The following RUNX1T1 variants were observed in gnomAD, a reference collection of about 807,000 sequenced individuals.
The protein encoded by RUNX1T1 is RUNX1 partner transcriptional co-repressor 1, also known as protein CBFA2T1.
RUNX1T1 carries 4 observed loss-of-function variants against 62.8 expected under a neutral mutation model. The observed-to-expected ratio is 0.06, with a 90% CI of 0.03 to 0.15. The LOEUF is 0.15. RUNX1T1 is among the 10% of genes least tolerant of loss of function. The probability of loss-of-function intolerance (pLI) is 1.00; values close to 1 mark genes in which losing one functional copy is unlikely to be tolerated. For missense variants in RUNX1T1, 508 were observed against 754.3 expected (o/e 0.67, Z 3.82); for synonymous variants, 291 against 286.0 (o/e 1.02, Z -0.18).
At chr8:92,041,366 G>C (rs1828423487) in intron 1 of RUNX1T1, among the ~76,000 whole-genome samples, 1 of 152,160 alleles carries the variant, frequency 6.6e-6, no homozygotes, top group Non-Finnish European at 1.5e-5. Flanking sequence ...GCTTTGTTTG[G>C]CTTACTTGCT....
rs188414197 is a variant in RUNX1T1, at chr8:91,970,906, T to C, written c.1268-58A>G. The C allele has an allele frequency of 4.9e-5, 68 of 1,388,342 alleles. 1 individual carries two copies. The highest frequency in any genetic ancestry group is 4.2e-4 in the South Asian group (28 of 67,412). 86.0% of individuals were successfully genotyped at this position (1,388,342 alleles called of 1,614,324 possible). On this transcript the variant is annotated intron_variant, in intron 9 of 10. Coordinates refer to ENST00000396218, the Ensembl canonical transcript of RUNX1T1. Reference sequence around the variant, plus strand: ...AACACCTCTCAGTTAGCCGAAGTCATTGGATACGGATTACTTTTCTTTTAA... The same window carrying C: ...AACACCTCTCAGTTAGCCGAAGTCACTGGATACGGATTACTTTTCTTTTAA...
intron 1 of RUNX1T1, among the ~76,000 whole-genome samples, chr8:92,041,761 A>G (rs916384040): frequency 6.6e-6 from 1 of 151,976 alleles, no homozygotes; most frequent in African/African-American, 2.4e-5. Context: ...AACAAAACAA[A>G]ACAAAAACCT....
chr8:91,958,250 C>T (rs924456233), downstream of RUNX1T1: 10 of 203,806 alleles, frequency 4.9e-5, no homozygotes, highest in Admixed American at 3.0e-4. Context: ...ACAACCACAT[C>T]CTGGGCTACT....
intron 1 of RUNX1T1, among the ~76,000 whole-genome samples, chr8:92,037,680 A>G (rs925471297): frequency 1.3e-5 from 2 of 152,104 alleles, no homozygotes; most frequent in Non-Finnish European, 2.9e-5. Flanking sequence ...CCATCTCAAA[A>G]AAAATAAATT....
intron 8 of RUNX1T1, 45 bp downstream of exon 9, chr8:91,986,079 A>G (rs1457841676): frequency 2.4e-6 from 3 of 1,275,070 alleles, no homozygotes; most frequent in Non-Finnish European, 3.4e-6. Context: ...CATTAACAGC[A>G]TAAGAAATAT....
At chr8:92,094,951 T>A in intron 1 of RUNX1T1, 1 of 1,057,274 alleles carries the variant, frequency 9.5e-7, no homozygotes, top group East Asian at 2.6e-5. Context: ...TTGTTCCCCC[T>A]TTATCGAGTC....
intron 6 of RUNX1T1, among the ~76,000 whole-genome samples, chr8:91,990,513 T>A (rs1360920948): frequency 6.6e-6 from 1 of 152,212 alleles, no homozygotes. Flanking sequence ...CTGATAACCC[T>A]CTGATACACT....
chr8:92,017,679 C>G (rs1823283108), intron 1 of RUNX1T1: 1 of 1,239,608 alleles, frequency 8.1e-7, no homozygotes, highest in African/African-American at 1.5e-5. Context: ...CCAATGTTAG[C>G]AAGAGGTAGA....
chr8:92,099,593 G>T (rs1447119822), exon 1 of RUNX1T1: 15 of 983,738 alleles, frequency 1.5e-5, no homozygotes, highest in Non-Finnish European at 1.8e-5. Context: ...AATAGACTCC[G>T]GCAAAATGCA....
chr8:92,017,563 C>T, intron 1 of RUNX1T1, 200 bp from the exon 3 acceptor site: 6 of 1,449,564 alleles, frequency 4.1e-6, no homozygotes, highest in Non-Finnish European at 5.4e-6. Context: ...ATGGCAGGAC[C>T]TCATTTGTAA....
At chr8:91,974,814 T>C (rs922399813) in intron 9 of RUNX1T1, among the ~76,000 whole-genome samples, 1 of 152,222 alleles carries the variant, frequency 6.6e-6, no homozygotes, top group Admixed American at 6.5e-5. Context: ...CCTAGAATGC[T>C]ATCAGATTTT....
chr8:91,972,173 T>A (rs1812980613), intron 9 of RUNX1T1, among the ~76,000 whole-genome samples: 1 of 152,106 alleles, frequency 6.6e-6, no homozygotes, highest in African/African-American at 2.4e-5. Context: ...TACTGTAGAT[T>A]AAAAATGTAA....
At chr8:92,062,707 C>A (rs757205965) in exon 1 of RUNX1T1, 1 of 1,605,944 alleles carries the variant, frequency 6.2e-7, no homozygotes. Flanking sequence ...TGGGCGCGTG[C>A]GCCTGCCAGG....
chr8:92,074,523 A>G (rs1009797344), intron 2 of RUNX1T1, among the ~76,000 whole-genome samples: 8 of 152,244 alleles, frequency 5.3e-5, no homozygotes, highest in Non-Finnish European at 1.2e-4. Flanking sequence ...CCACAGACAC[A>G]TTAAGCCCAA....
At chr8:92,096,996 C>G (rs1277092236) in intron 1 of RUNX1T1, among the ~76,000 whole-genome samples, 1 of 152,072 alleles carries the variant, frequency 6.6e-6, no homozygotes, top group African/African-American at 2.4e-5. Context: ...CAAACACACA[C>G]ACACCAATGT....
At chr8:92,045,575 C>A (rs886115992) in intron 1 of RUNX1T1, among the ~76,000 whole-genome samples, 4 of 152,284 alleles carry the variant, frequency 2.6e-5, no homozygotes, top group South Asian at 4.1e-4. Flanking sequence ...CAAATAATGA[C>A]ACTCATTCAA....
At chr8:92,054,695 T>C (rs538718187) in intron 1 of RUNX1T1, among the ~76,000 whole-genome samples, 1 of 152,210 alleles carries the variant, frequency 6.6e-6, no homozygotes, top group East Asian at 1.9e-4. Context: ...GTCACAAAGC[T>C]AAAGATAAAA....
At chr8:92,002,752 C>T (rs930378320) in intron 5 of RUNX1T1, among the ~76,000 whole-genome samples, 26 of 152,044 alleles carry the variant, frequency 1.7e-4, no homozygotes, top group African/African-American at 6.0e-4. Context: ...CATGTCAGAC[C>T]ATATGCACCA....
chr8:92,000,298 C>G (rs1819518670), intron 5 of RUNX1T1, among the ~76,000 whole-genome samples: 1 of 151,746 alleles, frequency 6.6e-6, no homozygotes, highest in Admixed American at 6.6e-5. Flanking sequence ...GAAACTTCAT[C>G]TCAAAAAAAA....
Sources: gnomAD v4.1 joint callset for allele counts (sites outside exome capture counted in the v4.1 genomes callset) on GRCh38, gnomAD v4.1.1 for gene constraint, MANE v1.5 for transcripts, NCBI Gene and HGNC (gene_info 2026-07-23, HGNC 2026-07-21) for gene names.